TTN: variants seen among roughly 807,000 people sequenced by gnomAD.
TTN encodes the protein titin, also known as connectin.
A neutral mutation model predicts 3,223.0 loss-of-function variants in TTN; 1,525 were observed. The ratio of observed to expected loss-of-function variants is 0.47; its 90% CI spans 0.45 to 0.49. The LOEUF (loss-of-function observed/expected upper bound fraction) is 0.49, where lower values mean the gene tolerates loss of function less well. Among genes scored for constraint, TTN ranks in the 20% least tolerant of loss-of-function variants. The pLI is 0.00. For synonymous variants in TTN, 14,094 were observed against 15,161.0 expected (o/e 0.93, Z 5.17); for missense variants, 40,786 against 43,424.0 (o/e 0.94, Z 5.40).
Position 178,547,323 on chromosome 2 carries a change from T to C in TTN, c.94220-18A>G. The C allele has an allele frequency of 6.3e-7, 1 of 1,586,370 alleles. No individual in the cohort carries two copies. Among genetic ancestry groups the C allele is most frequent in the Non-Finnish European group, 8.6e-7 (1 of 1,167,794 alleles). On this transcript the variant is annotated intron_variant, in intron 339 of 362. Coordinates refer to ENST00000589042, the MANE Select transcript of TTN (RefSeq NM_001267550.2). ...TGGTGGGACTAAATATAAACAAAGG[T>C]ATTAAGTATGAATACAATTTTATAA...
chr2:178,740,140 C>G lies in TTN; in HGVS notation c.13093G>C (p.Ala4365Pro), dbSNP rs1560903698. The part of the protein sequence containing the change: ...QIIESKREPV[A>P]IKKVQEVQGR... ...TGTACCTCCTGCACTTTCTTTATTGCCACGGGCTCTCTTTTAGACTCAATG... is the reference window on the plus strand; with the variant it reads ...TGTACCTCCTGCACTTTCTTTATTGGCACGGGCTCTCTTTTAGACTCAATG... Residue 4365 changes from alanine to proline, a missense_variant, in exon 48 of 363, where the codon GCA becomes CCA. Transcript: ENST00000589042. 1 of 1,613,710 alleles carries G rather than the reference C, an allele frequency of 6.2e-7. No individual in the cohort carries two copies. The highest frequency in any genetic ancestry group is 1.1e-5 in the South Asian group (1 of 91,062).
chr2:178,616,645 A>C lies in TTN; in HGVS notation c.48161-15T>G, dbSNP rs1373861375. 2 of 1,612,098 alleles carry C rather than the reference A, an allele frequency of 1.2e-6. No homozygotes were observed. Among genetic ancestry groups the C allele is most frequent in the South Asian group, 1.1e-5 (1 of 90,970 alleles). ...ACTTGGGCGAGCTGAAAAAAAATGCACTCACGAGTCACTGTTAATAGTCTG... is the reference window on the plus strand; with the variant it reads ...ACTTGGGCGAGCTGAAAAAAAATGCCCTCACGAGTCACTGTTAATAGTCTG... On this transcript the variant is annotated splice_polypyrimidine_tract_variant and intron_variant, in intron 256 of 362. Coordinates refer to ENST00000589042, the MANE Select transcript of TTN (RefSeq NM_001267550.2).
chr2:178,806,607 T>C (rs1201136687), intron 1 of TTN, among the ~76,000 whole-genome samples: 1 of 152,248 alleles, frequency 6.6e-6, no homozygotes, highest in Non-Finnish European at 1.5e-5. Context: ...ATTCCTATTG[T>C]CTAGGTAAAT....
chr2:178,762,055 T>G (rs1574454016), intron 43 of TTN, among the ~76,000 whole-genome samples: 1 of 152,184 alleles, frequency 6.6e-6, no homozygotes, highest in East Asian at 1.9e-4. Context: ...GGGCCACGTT[T>G]CATGCTTCAG....
intron 356 of TTN, 32 bp downstream of exon 356, chr2:178,536,906 A>G (rs1159359900): frequency 6.5e-7 from 1 of 1,533,016 alleles, no homozygotes; most frequent in Middle Eastern, 1.7e-4. Flanking sequence ...GAACTTTACC[A>G]TAGGAAGATA....
intron 29 of TTN, 102 bp from the exon 30 acceptor site, chr2:178,774,575 T>C (rs1004770939): frequency 1.9e-6 from 2 of 1,064,162 alleles, no homozygotes; most frequent in Non-Finnish European, 1.4e-6. Flanking sequence ...TCCCCCATAC[T>C]ATCAGGTGTA....
rs762211011 is a variant in TTN, at chr2:178,593,445, A to C, written c.58763T>G (p.Val19588Gly). 1 of 1,612,762 alleles carries C rather than the reference A, an allele frequency of 6.2e-7. No homozygotes were observed. The highest frequency in any genetic ancestry group is 1.1e-5 in the South Asian group (1 of 90,684). ...TGCAGAGTCTTTGGTAACTTCTGTA[A>C]CAATTGGCTGATCAGGTGCATCAGG... ...RVPDAPDQPIVTEVTKDSALV... is the reference protein window; with the variant it reads ...RVPDAPDQPIGTEVTKDSALV... The change falls in exon 299 of 363, where the codon GTT (valine) becomes GGT (glycine). Residue 19588 changes from valine (V) to glycine (G), a missense_variant. By Grantham distance (109) the Val-to-Gly change is moderately radical. Transcript: ENST00000589042.
intron 231 of TTN, 31 bp downstream of exon 231, chr2:178,633,786 T>C: frequency 6.2e-7 from 1 of 1,609,082 alleles, no homozygotes. Flanking sequence ...ATTCAGAAAC[T>C]GGCTATCTGG....
At position 178,719,051 on chromosome 2, in the gene TTN, A is replaced by G. The variant is rs2077939109; in HGVS notation, c.24227-78T>C. 12 of 1,520,964 alleles carry G rather than the reference A, an allele frequency of 7.9e-6. No homozygotes were observed. In the South Asian group the frequency reaches 1.3e-4, roughly 17 times the overall value. 94.2% of individuals were successfully genotyped at this position (1,520,964 alleles called of 1,614,324 possible). ...AGAAGTGCTTTTGCTCCTTAAAAAAAGGGAGCTAAGACTAAACATGAAGAC... is the reference window on the plus strand; with the variant it reads ...AGAAGTGCTTTTGCTCCTTAAAAAAGGGGAGCTAAGACTAAACATGAAGAC... On this transcript the variant is annotated intron_variant, in intron 83 of 362. Coordinates refer to ENST00000589042, the MANE Select transcript of TTN (RefSeq NM_001267550.2).
intron 9 of TTN, 109 bp downstream of exon 9, chr2:178,793,295 T>C (rs1453516050): frequency 1.2e-5 from 18 of 1,471,170 alleles, no homozygotes; most frequent in Non-Finnish European, 1.7e-5. Flanking sequence ...CTTATTAGTA[T>C]GCTAACAACC....
Position 178,746,069 on chromosome 2 carries a change from C to T in TTN, c.11312-4148G>A, listed in dbSNP as rs771994262. On this transcript the variant is annotated intron_variant, in intron 47 of 362. Transcript: ENST00000589042. ...CCTGTATGTTGCACTATCAGAAAGA[C>T]AGACATTTCGAATTTTAAGAGTGTG... 7 of 1,613,456 alleles carry T rather than the reference C, an allele frequency of 4.3e-6. No homozygotes were observed. The East Asian group carries it at 1.6e-4, about 36-fold the overall frequency.
rs763674509 is a variant in TTN at position 178,543,358 on chromosome 2, C to T, written c.96615G>A (p.Val32205=). The T allele has an allele frequency of 1.9e-6, 3 of 1,613,734 alleles. No individual in the cohort carries two copies. Among genetic ancestry groups the T allele is most frequent in the Non-Finnish European group, 1.7e-6 (2 of 1,179,820 alleles). The change falls in exon 347 of 363, where the codon GTG becomes GTA. Residue 32205 remains valine (V), a synonymous_variant. Coordinates refer to ENST00000589042, the MANE Select transcript of TTN (RefSeq NM_001267550.2). Reference sequence around the variant, plus strand: ...CATCGACCACTTCTAGCTTTGCAGGCACCAAAGGCACTTCTGAGACCAGTA... The same window carrying T: ...CATCGACCACTTCTAGCTTTGCAGGTACCAAAGGCACTTCTGAGACCAGTA... The part of the protein sequence containing the change: ...DAVLVSEVPL[V]PAKLEVVDVT...
chr2:178,601,798 A>T lies in TTN; in HGVS notation c.55303-11T>A, dbSNP rs749024885. ...TTCAGCAGTCTCCAGCTGTACAAAG[A>T]AAATAGTAGTCATACATTGAATGAA... is the stretch of plus-strand genomic sequence containing the variant. On this transcript the variant is annotated splice_polypyrimidine_tract_variant and intron_variant, in intron 285 of 362. Transcript: ENST00000589042. 1.2e-6 allele frequency: 2 copies of T among 1,601,238 alleles called. No individual in the cohort carries two copies. The highest frequency in any genetic ancestry group is 2.3e-5 in the South Asian group (2 of 87,926).
rs371105318 is a variant in TTN at position 178,579,591 on chromosome 2, C to T, written c.67606G>A (p.Glu22536Lys). Reference sequence around the variant, plus strand: ...TCATCCCTTGCCACAACAGTGATTTCGCTTGGGGTTCCTTCTCCATTTTCA... The same window carrying T: ...TCATCCCTTGCCACAACAGTGATTTTGCTTGGGGTTCCTTCTCCATTTTCA... ...ENENGEGTPS[E>K]ITVVARDDVV... The change falls in exon 319 of 363, where the codon GAA (glutamate) becomes AAA (lysine). Residue 22536 changes from glutamate to lysine, a missense_variant. Transcript: ENST00000589042. 3.8e-5 allele frequency: 61 copies of T among 1,613,140 alleles called. No homozygotes were observed. The highest frequency in any genetic ancestry group is 4.8e-5 in the Non-Finnish European group (57 of 1,179,484).
chr2:178,800,786 C>G (rs1480992271), intron 3 of TTN, 104 bp from the exon 4 acceptor site: 2 of 1,293,318 alleles, frequency 1.5e-6, no homozygotes, highest in Non-Finnish European at 2.1e-6. Flanking sequence ...TGATGACTCG[C>G]CAATCTAAAC....
chr2:178,540,973 TA>T (rs1406117101), intron 350 of TTN, among the ~76,000 whole-genome samples: 15 of 152,196 alleles, frequency 9.9e-5, no homozygotes, highest in Non-Finnish European at 1.9e-4. Context: ...TAACTTGTTT[TA>T]AAATTTTAAG....
At position 178,585,067 on chromosome 2, in the gene TTN, C is replaced by A; in HGVS notation, c.64672+5G>T. 1 of 1,605,404 alleles carries A rather than the reference C, an allele frequency of 6.2e-7. No individual in the cohort carries two copies. Among genetic ancestry groups the A allele is most frequent in the Non-Finnish European group, 8.5e-7 (1 of 1,176,166 alleles). On this transcript the variant is annotated splice_donor_5th_base_variant and intron_variant, in intron 309 of 362. Coordinates refer to ENST00000589042, the MANE Select transcript of TTN (RefSeq NM_001267550.2). The stretch of plus-strand genomic sequence containing the variant: ...AGATGGCCATTTGTCTAATACTTAA[C>A]TTACCCATGACTACAACTTTGATTT...
In TTN at chr2:178,608,694, T is replaced by G; in HGVS notation, c.52317A>C (p.Lys17439Asn). Residue 17439 changes from lysine to asparagine, a missense_variant, in exon 274 of 363, where the codon AAA (lysine) becomes AAC (asparagine). Lys to Asn is a moderately conservative substitution (Grantham distance 94). Transcript: ENST00000589042. ...CAGCTCTTACACGGAAGAGGTACTC[T>G]TTTCCTTCAATCAGTTTTGTTACTG... ...KYSVTKLIEGKEYLFRVRAEN... is the reference protein window; with the variant it reads ...KYSVTKLIEGNEYLFRVRAEN... 1.1e-5 allele frequency: 18 copies of G among 1,612,412 alleles called. No homozygotes were observed. Among genetic ancestry groups the G allele is most frequent in the Non-Finnish European group, 1.5e-5 (18 of 1,179,122 alleles).
In TTN at chr2:178,794,509, C is replaced by T. The variant is rs371639583; in HGVS notation, c.1288G>A (p.Val430Ile). The T allele has an allele frequency of 3.9e-5, 63 of 1,614,082 alleles. No individual in the cohort carries two copies. The highest frequency in any genetic ancestry group is 5.1e-5 in the Non-Finnish European group (60 of 1,180,018). ...ACTCTGGCCATATCAACGGCAGCAA[C>T]AACAGTCGCAACAGCTGCACTTTTG... ...ADKSAAVATV[V>I]AAVDMARVRE... Residue 430 changes from valine (V) to isoleucine (I), a missense_variant, in exon 8 of 363, where the codon GTT becomes ATT. Coordinates refer to ENST00000589042, the MANE Select transcript of TTN (RefSeq NM_001267550.2).
Sources: gnomAD v4.1 joint callset for allele counts (sites outside exome capture counted in the v4.1 genomes callset) on GRCh38, gnomAD v4.1.1 for gene constraint, MANE v1.5 for transcripts, NCBI Gene and HGNC (gene_info 2026-07-23, HGNC 2026-07-21) for gene names.